The following ABTB3 variants were observed in gnomAD, a reference collection of about 807,000 sequenced individuals.
ABTB3 encodes the protein ankyrin repeat- and BTB/POZ domain-containing protein 3.
At chr12:107,498,713 C>T in the ABTB3 span, among the ~76,000 whole-genome samples, 6 of 151,368 alleles carry the variant, frequency 4.0e-5, no homozygotes, top group East Asian at 1.9e-4. Context: ...AACATTGGGC[C>T]CACCTAGAAA....
At chr12:107,541,128 T>C in the ABTB3 span, among the ~76,000 whole-genome samples, 48 of 152,350 alleles carry the variant, frequency 3.2e-4, no homozygotes, top group Non-Finnish European at 1.2e-4. Context: ...AACAGTCCTC[T>C]TGTCAGTCAT....
chr12:107,444,934 T>C, the ABTB3 span, among the ~76,000 whole-genome samples: 1 of 152,076 alleles, frequency 6.6e-6, no homozygotes, highest in Non-Finnish European at 1.5e-5. Flanking sequence ...GAAGGAAGAC[T>C]GACAGGCCTG....
chr12:107,357,562 G>C, the ABTB3 span, among the ~76,000 whole-genome samples: 1 of 152,160 alleles, frequency 6.6e-6, no homozygotes, highest in Non-Finnish European at 1.5e-5. Context: ...TGTGAGCTAT[G>C]ATCATGCCAC....
the ABTB3 span, among the ~76,000 whole-genome samples, chr12:107,485,911 G>A: frequency 6.6e-6 from 1 of 152,292 alleles, no homozygotes; most frequent in East Asian, 1.9e-4. Flanking sequence ...TCCTGCTAAC[G>A]AAATACATTA....
the ABTB3 span, among the ~76,000 whole-genome samples, chr12:107,611,311 G>T: frequency 1.3e-5 from 2 of 152,118 alleles, no homozygotes; most frequent in Non-Finnish European, 1.5e-5. Flanking sequence ...CTCCTGAGGA[G>T]CTGGGACTAC....
At chr12:107,360,685 C>G in the ABTB3 span, among the ~76,000 whole-genome samples, 1 of 152,144 alleles carries the variant, frequency 6.6e-6, no homozygotes, top group African/African-American at 2.4e-5. Flanking sequence ...GGAGCCAGGC[C>G]CATTGGAAGG....
At chr12:107,428,959 G>A in the ABTB3 span, among the ~76,000 whole-genome samples, 5 of 152,180 alleles carry the variant, frequency 3.3e-5, no homozygotes, top group East Asian at 1.9e-4. Context: ...TCAAAGGCAC[G>A]TAGCTGCCAT....
At chr12:107,417,787 C>T in the ABTB3 span, among the ~76,000 whole-genome samples, 2 of 152,246 alleles carry the variant, frequency 1.3e-5, no homozygotes, top group African/African-American at 4.8e-5. Flanking sequence ...TCCCACGCCC[C>T]CTCTGATATA....
the ABTB3 span, among the ~76,000 whole-genome samples, chr12:107,521,100 A>G: frequency 6.6e-6 from 1 of 152,188 alleles, no homozygotes; most frequent in Admixed American, 6.5e-5. Flanking sequence ...GTGTGTATTC[A>G]GGGGGCTAAA....
chr12:107,648,837 A>G, the ABTB3 span, among the ~76,000 whole-genome samples: 2 of 151,014 alleles, frequency 1.3e-5, no homozygotes, highest in East Asian at 4.0e-4. Flanking sequence ...TCCGCGCAGC[A>G]TGACTGGGGC....
the ABTB3 span, among the ~76,000 whole-genome samples, chr12:107,565,531 C>A: frequency 2.6e-3 from 398 of 152,258 alleles, 3 homozygotes; most frequent in African/African-American, 9.4e-3. Context: ...ATGCACCTTG[C>A]ACCAGTTCCC....
chr12:107,326,392 C>T, the ABTB3 span, among the ~76,000 whole-genome samples: 8,727 of 152,252 alleles, frequency 0.057, 352 homozygotes, highest in Middle Eastern at 0.099. Context: ...CCTTCAGTAC[C>T]TTTCTTGGGC....
chr12:107,637,818 G>A, the ABTB3 span, among the ~76,000 whole-genome samples: 2 of 149,232 alleles, frequency 1.3e-5, no homozygotes, highest in African/African-American at 4.9e-5. Context: ...GTGTGTGTGT[G>A]TGTGTGTGTG....
At chr12:107,471,353 G>C in the ABTB3 span, among the ~76,000 whole-genome samples, 1 of 152,194 alleles carries the variant, frequency 6.6e-6, no homozygotes, top group Non-Finnish European at 1.5e-5. Flanking sequence ...GATTATCTGG[G>C]TGAACCTAAT....
At chr12:107,645,542 C>T in the ABTB3 span, among the ~76,000 whole-genome samples, 1,260 of 152,240 alleles carry the variant, frequency 8.3e-3, 15 homozygotes, top group African/African-American at 0.028. Flanking sequence ...GGCACCTGGG[C>T]CCCCCGCTAA....
At chr12:107,325,705 T>C in the ABTB3 span, among the ~76,000 whole-genome samples, 4 of 152,168 alleles carry the variant, frequency 2.6e-5, no homozygotes, top group South Asian at 6.2e-4. Flanking sequence ...GGCACCAAAC[T>C]CATTATTACC....
the ABTB3 span, among the ~76,000 whole-genome samples, chr12:107,450,655 ACT>A: frequency 6.6e-6 from 1 of 151,874 alleles, no homozygotes; most frequent in South Asian, 2.1e-4. Context: ...TTGTCGACAA[ACT>A]CTAATCCTCC....
chr12:107,424,937 T>C, the ABTB3 span, among the ~76,000 whole-genome samples: 1 of 152,200 alleles, frequency 6.6e-6, no homozygotes, highest in Non-Finnish European at 1.5e-5. Flanking sequence ...GTTCCTCTGC[T>C]CCTGCCTTGG....
At chr12:107,610,430 G>A in the ABTB3 span, 29 of 1,559,516 alleles carry the variant, frequency 1.9e-5, no homozygotes, top group East Asian at 3.0e-4. Context: ...AGAGACAGCC[G>A]GTGAATCCCC....
Sources: gnomAD v4.1 joint callset for allele counts (sites outside exome capture counted in the v4.1 genomes callset) on GRCh38, gnomAD v4.1.1 for gene constraint, MANE v1.5 for transcripts, NCBI Gene and HGNC (gene_info 2026-07-23, HGNC 2026-07-21) for gene names.